Variants in FARSA observed in about 807,000 individuals in gnomAD.
FARSA encodes the protein phenylalanine--tRNA ligase alpha subunit.
Under a neutral mutation model 63.2 loss-of-function variants are expected in FARSA, and 37 were observed. The ratio of observed to expected loss-of-function variants is 0.59; its 90% CI spans 0.45 to 0.77. The LOEUF (loss-of-function observed/expected upper bound fraction) is 0.77, where lower values mean the gene tolerates loss of function less well. FARSA is among the 30% of genes least tolerant of loss of function. The probability of loss-of-function intolerance (pLI) is 0.00; values close to 1 mark genes in which losing one functional copy is unlikely to be tolerated. For synonymous variants in FARSA, 312 were observed against 285.1 expected (o/e 1.09, Z -0.95); for missense variants, 618 against 696.6 (o/e 0.89, Z 1.27).
chr19:12,923,394 C>T (rs1437314447), intron 12 of FARSA, among the ~76,000 whole-genome samples: 1 of 152,162 alleles, frequency 6.6e-6, no homozygotes, highest in Non-Finnish European at 1.5e-5. Context: ...CTCCCAGGTT[C>T]AAGTGATTCT....
intron 7 of FARSA, among the ~76,000 whole-genome samples, chr19:12,926,247 G>C (rs563250816): frequency 2.0e-5 from 3 of 148,436 alleles, no homozygotes; most frequent in African/African-American, 7.5e-5. Flanking sequence ...CACCGCGCCC[G>C]GCCTATTTTT....
chr19:12,923,999 C>T (rs1971295733), intron 12 of FARSA, 152 bp downstream of exon 12: 2 of 643,408 alleles, frequency 3.1e-6, no homozygotes, highest in African/African-American at 3.6e-5. Flanking sequence ...CTGTCATGTT[C>T]ACAGCACGGG....
rs1347890660 is a variant in FARSA at position 12,924,676 on chromosome 19, G to A, written c.1158C>T (p.His386=). The part of the protein sequence containing the change: ...VVADHGLTLG[H]LMGVLREFFT... ...AGAACTCCCGCAGAACGCCCATGAG[G>A]TGGCCCAAGGTGAGACCATGATCCG... The change falls in exon 10 of 13, where the codon CAC becomes CAT. Residue 386 remains histidine, a synonymous_variant. Coordinates refer to ENST00000314606, the MANE Select transcript of FARSA (RefSeq NM_004461.3). This position sits in a 1 kb window ranked among gnomAD's most constrained non-coding sequence, Gnocchi z 6.4. 1 of 1,591,932 alleles carries A rather than the reference G, an allele frequency of 6.3e-7. No homozygotes were observed. The highest frequency in any genetic ancestry group is 8.6e-7 in the Non-Finnish European group (1 of 1,166,794).
chr19:12,928,068 G>C (rs1476431082), intron 7 of FARSA, among the ~76,000 whole-genome samples: 1 of 144,060 alleles, frequency 6.9e-6, no homozygotes, highest in Non-Finnish European at 1.5e-5. Context: ...GGCATAATGA[G>C]AACAGAGCTT....
chr19:12,928,694 C>T (rs577807236), intron 5 of FARSA, 31 bp from the exon 6 acceptor site: 1 of 1,613,566 alleles, frequency 6.2e-7, no homozygotes, highest in Non-Finnish European at 8.5e-7. Context: ...CTGGTAAGGG[C>T]TGCCCGCCCC....
At chr19:12,930,366 G>A in intron 3 of FARSA, 25 bp from the exon 4 acceptor site, 2 of 1,613,582 alleles carry the variant, frequency 1.2e-6, no homozygotes, top group Non-Finnish European at 1.7e-6. Flanking sequence ...AGTGTGAGGG[G>A]TATGAGGGCC....
chr19:12,924,461 T>C lies in FARSA; in HGVS notation c.1261A>G (p.Ser421Gly). The C allele has an allele frequency of 1.7e-5, 27 of 1,613,330 alleles. No individual in the cohort carries two copies. The highest frequency in any genetic ancestry group is 2.3e-5 in the Non-Finnish European group (27 of 1,179,954). Reference sequence around the variant, plus strand: ...GGCCTACCCTGACCTTGGTGGTAGCTGAACACCTCCATGCTGGGCTCTGTG... The same window carrying C: ...GGCCTACCCTGACCTTGGTGGTAGCCGAACACCTCCATGCTGGGCTCTGTG... ...PYTEPSMEVF[S>G]YHQGLKKWVE... The change falls in exon 11 of 13, where the codon AGC becomes GGC. Residue 421 changes from serine to glycine, a missense_variant. Ser to Gly is a moderately conservative substitution (Grantham distance 56, BLOSUM62 0). Coordinates refer to ENST00000314606, the MANE Select transcript of FARSA (RefSeq NM_004461.3). The surrounding 1 kb of genome is among the most constrained non-coding windows in gnomAD (Gnocchi z 6.4).
intron 1 of FARSA, chr19:12,933,321 G>A: frequency 3.7e-6 from 2 of 534,546 alleles, no homozygotes; most frequent in East Asian, 3.6e-5. Flanking sequence ...GTCCATCATC[G>A]TACCCTCTAC....
intron 12 of FARSA, among the ~76,000 whole-genome samples, chr19:12,923,382 G>A (rs1971286714): frequency 1.3e-5 from 2 of 152,086 alleles, no homozygotes; most frequent in South Asian, 2.1e-4. Flanking sequence ...TGCAACCTCC[G>A]CCTCCCAGGT....
intron 7 of FARSA, among the ~76,000 whole-genome samples, 167 bp from the exon 8 acceptor site, chr19:12,925,341 C>T (rs984822236): frequency 1.3e-5 from 2 of 151,488 alleles, no homozygotes; most frequent in Admixed American, 6.6e-5. Context: ...TCAGTTTTCT[C>T]ATTTGTGTGT....
At chr19:12,925,196 C>G (rs1326784107) in intron 7 of FARSA, 22 bp from the exon 8 acceptor site, 2 of 1,556,120 alleles carry the variant, frequency 1.3e-6, no homozygotes, top group Non-Finnish European at 1.7e-6. Context: ...AGAGCAACAT[C>G]AGGTCAGTCA....
chr19:12,931,692 C>T (rs921538108), intron 1 of FARSA, among the ~76,000 whole-genome samples: 1 of 152,216 alleles, frequency 6.6e-6, no homozygotes, highest in Non-Finnish European at 1.5e-5. Flanking sequence ...CCATACCCAG[C>T]CTGTCTCCAT....
At chr19:12,930,071 G>C (rs560517127) in intron 4 of FARSA, 152 bp downstream of exon 4, 1 of 674,282 alleles carries the variant, frequency 1.5e-6, no homozygotes, top group Admixed American at 2.4e-5. Flanking sequence ...AAGACCCCAA[G>C]GCACGTAGGC....
Position 12,933,554 on chromosome 19 carries a change from C to T in FARSA, c.143G>A (p.Gly48Asp), listed in dbSNP as rs1424315717. The T allele has an allele frequency of 3.9e-6, 6 of 1,543,230 alleles. No homozygotes were observed. The highest frequency in any genetic ancestry group is 1.9e-5 in the Admixed American group (1 of 51,846). ...VGAVKSLQAL[G>D]EVIEAELRST... ...GGCATCACGGGCCCGGCTCACCTCG[C>T]CCAGCGCCTGAAGGCTCTTCACGGC... The change falls in exon 1 of 13, where the codon GGC becomes GAC. Residue 48 changes from glycine to aspartate, a missense_variant. By Grantham distance (94) the Gly-to-Asp change is moderately conservative. Transcript: ENST00000314606.
chr19:12,933,636 GGCC>G lies in FARSA; in HGVS notation c.58_60del (p.Gly20del). 6.4e-7 allele frequency: 1 copy of G among 1,562,988 alleles called. No homozygotes were observed. Among genetic ancestry groups the G allele is most frequent in the Non-Finnish European group, 8.6e-7 (1 of 1,157,980 alleles). ...TCAGCCGCCAACTCGGCGCTGTCCA[GGCC>G]GCCATCAGACGCCTCCAGCCGCCGG... On this transcript the variant is annotated inframe_deletion, in exon 1 of 13. Transcript: ENST00000314606.
In FARSA at chr19:12,928,343, T is replaced by A; in HGVS notation, c.840A>T (p.Arg280=). The A allele has an allele frequency of 6.2e-7, 1 of 1,613,600 alleles. No homozygotes were observed. The highest frequency in any genetic ancestry group is 8.5e-7 in the Non-Finnish European group (1 of 1,179,774). ...ARDQHDTFFL[R]DPAEALQLPM... ...GGGAGGCCCTAGGGGCTGACCCACC[T>A]CGAAGGAAGAAGGTGTCGTGCTGGT... The change falls in exon 7 of 13, where the codon CGA becomes CGT. Residue 280 remains arginine (R), a splice_region_variant and synonymous_variant. Transcript: ENST00000314606.
At chr19:12,929,062 G>A (rs1262314038) in intron 4 of FARSA, among the ~76,000 whole-genome samples, 1 of 152,156 alleles carries the variant, frequency 6.6e-6, no homozygotes, top group South Asian at 2.1e-4. Context: ...AGAACCTAAT[G>A]TGTGCCAGGG....
In FARSA at chr19:12,933,530, G is replaced by GCATCACGGGCCCGGCTCACCTCGCC; in HGVS notation, c.142_147+19dup. 1 of 1,537,644 alleles carries GCATCACGGGCCCGGCTCACCTCGCC rather than the reference G, an allele frequency of 6.5e-7. No individual in the cohort carries two copies. Among genetic ancestry groups the GCATCACGGGCCCGGCTCACCTCGCC allele is most frequent in the Non-Finnish European group, 8.7e-7 (1 of 1,146,390 alleles). On this transcript the variant is annotated intron_variant, in intron 1 of 12. Transcript: ENST00000314606. ...GTAGGTGCAAGGGCAAGGCGGTCCG[G>GCATCACGGGCCCGGCTCACCTCGCC]CATCACGGGCCCGGCTCACCTCGCC...
rs1367326748 is a variant in FARSA at position 12,922,631 on chromosome 19, A to C, written c.*117T>G. ...TCTGGTCCTGGGACAGGTGGGAAAG[A>C]GGAAGGTGGGGGCTGGCCTCACAGA... is the stretch of plus-strand genomic sequence containing the variant. On this transcript the variant is annotated 3_prime_UTR_variant, in exon 13 of 13. Transcript: ENST00000314606. 3.1e-6 allele frequency: 4 copies of C among 1,306,760 alleles called. 1 individual carries two copies. Among genetic ancestry groups the C allele is most frequent in the Non-Finnish European group, 4.2e-6 (4 of 944,930 alleles). The allele number at this position is 1,306,760 out of a possible 1,614,324, so 80.9% of individuals were successfully genotyped here.
Sources: allele counts gnomAD v4.1 joint callset (sites outside exome capture counted in the v4.1 genomes callset), GRCh38; gene constraint gnomAD v4.1.1; non-coding constraint Gnocchi (gnomAD v3.1); transcripts MANE v1.5; gene names NCBI Gene and HGNC (gene_info 2026-07-23, HGNC 2026-07-21).